GABRA5: variants seen among roughly 807,000 people sequenced by gnomAD.
The protein encoded by GABRA5 is gamma-aminobutyric acid type A receptor subunit alpha5.
GABRA5 carries 18 observed loss-of-function variants against 47.3 expected under a neutral mutation model. The observed-to-expected ratio is 0.38, with a 90% CI of 0.26 to 0.56. GABRA5 has a LOEUF of 0.56. GABRA5 is among the 20% of genes least tolerant of loss of function. GABRA5 has a pLI of 0.71. For synonymous variants in GABRA5, 237 were observed against 229.3 expected (o/e 1.03, Z -0.30); for missense variants, 365 against 599.3 (o/e 0.61, Z 4.08).
At chr15:26,922,642 T>C (rs1893869940) in intron 7 of GABRA5, among the ~76,000 whole-genome samples, 1 of 152,100 alleles carries the variant, frequency 6.6e-6, no homozygotes, top group Non-Finnish European at 1.5e-5. Context: ...TTCTTTGTTT[T>C]CTTTTGTCTG....
chr15:26,887,721 A>G (rs1683322582), intron 6 of GABRA5, among the ~76,000 whole-genome samples: 1 of 152,196 alleles, frequency 6.6e-6, no homozygotes. Flanking sequence ...CCATTTTCTT[A>G]AAAGTGACTC....
In GABRA5 at chr15:26,913,312, G is replaced by A. The variant is rs369958629; in HGVS notation, c.498-1491G>A. ...GGGAAACCTTCCGTCAAAAGTTGTGGCAACAGAAGATTTCGTATCTTTGAT... is the reference window on the plus strand; with the variant it reads ...GGGAAACCTTCCGTCAAAAGTTGTGACAACAGAAGATTTCGTATCTTTGAT... On this transcript the variant is annotated intron_variant, in intron 6 of 10. Coordinates refer to ENST00000335625, the MANE Select transcript of GABRA5 (RefSeq NM_000810.4). Among the ~76,000 whole-genome samples the A allele has an allele frequency of 4.6e-5, 7 of 152,212 alleles. 1 individual carries two copies. In the South Asian group the frequency reaches 1.5e-3, roughly 32 times the overall value.
chr15:26,907,252 T>C lies in GABRA5; in HGVS notation c.498-7551T>C, dbSNP rs1893466527. ...TAAAGCAAGGAACTCTACAGTAATA[T>C]AAACCAAAGCGTGGATCATTTTAGT... On this transcript the variant is annotated intron_variant, in intron 6 of 10. Coordinates refer to ENST00000335625, the MANE Select transcript of GABRA5 (RefSeq NM_000810.4). 2.0e-5 allele frequency among the ~76,000 whole-genome samples: 3 copies of C among 152,238 alleles called. No homozygotes were observed. The South Asian group carries it at 6.2e-4, about 32-fold the overall frequency.
intron 6 of GABRA5, among the ~76,000 whole-genome samples, chr15:26,901,570 A>T (rs896459705): frequency 6.6e-6 from 1 of 152,110 alleles, no homozygotes; most frequent in African/African-American, 2.4e-5. Context: ...TTTGTCATAT[A>T]TGCCTTCTGC....
At chr15:26,935,653 A>G (rs12911026) in intron 7 of GABRA5, among the ~76,000 whole-genome samples, 27,841 of 152,120 alleles carry the variant, frequency 0.18, 2,597 homozygotes, top group East Asian at 0.33. Flanking sequence ...CACAGCCTCC[A>G]CACTTCACGA....
intron 10 of GABRA5, 79 bp from the exon 11 acceptor site, chr15:26,947,855 G>C (rs1894549110): frequency 7.8e-7 from 1 of 1,284,558 alleles, no homozygotes; most frequent in African/African-American, 1.5e-5. Flanking sequence ...TCTTTTGAGA[G>C]GTATACCTTT....
chr15:26,934,540 C>T (rs1397151011), intron 7 of GABRA5, among the ~76,000 whole-genome samples: 1 of 152,164 alleles, frequency 6.6e-6, no homozygotes, highest in African/African-American at 2.4e-5. Context: ...AATCATTCCC[C>T]ACACGGTTAT....
chr15:26,883,291 C>G lies in GABRA5; in HGVS notation c.277-46C>G, dbSNP rs1250461696. 2 of 1,611,540 alleles carry G rather than the reference C, an allele frequency of 1.2e-6. No individual in the cohort carries two copies. Among genetic ancestry groups the G allele is most frequent in the East Asian group, 4.5e-5 (2 of 44,852 alleles). Reference sequence around the variant, plus strand: ...CTTACTCCGCGCCGCAGGCCCCCGCCCAGGCCCCGTGCCCTCTGACTGCCT... The same window carrying G: ...CTTACTCCGCGCCGCAGGCCCCCGCGCAGGCCCCGTGCCCTCTGACTGCCT... On this transcript the variant is annotated intron_variant, in intron 5 of 10. Transcript: ENST00000335625. The surrounding 1 kb of genome is among the most constrained non-coding windows in gnomAD (Gnocchi z 4.8).
At chr15:26,929,893 C>T (rs1566883395) in intron 7 of GABRA5, among the ~76,000 whole-genome samples, 1 of 152,192 alleles carries the variant, frequency 6.6e-6, no homozygotes, top group Non-Finnish European at 1.5e-5. Flanking sequence ...TTTGGCCACA[C>T]CCATCCCGGT....
rs1315621975 is a variant in GABRA5 at position 26,894,386 on chromosome 15, G to A, written c.497+10829G>A. ...GTCTGTTCTCACTGCCGGCCTCGCG[G>A]GCAGCCAGTGGGTCCCCGGGTGAGA... On this transcript the variant is annotated intron_variant, in intron 6 of 10. Coordinates refer to ENST00000335625, the MANE Select transcript of GABRA5 (RefSeq NM_000810.4). Among the ~76,000 whole-genome samples the A allele has an allele frequency of 3.9e-5, 6 of 152,126 alleles. No homozygotes were observed. The East Asian group carries it at 1.2e-3, about 30-fold the overall frequency.
chr15:26,883,572 GGGGC>G lies in GABRA5; in HGVS notation c.497+23_497+26del. On this transcript the variant is annotated intron_variant, in intron 6 of 10. Coordinates refer to ENST00000335625, the MANE Select transcript of GABRA5 (RefSeq NM_000810.4). The surrounding 1 kb of genome is among the most constrained non-coding windows in gnomAD (Gnocchi z 4.8). ...TACACCATGCGGTGAGCGCCGGGCG[GGGGC>G]GGGCGGGGCCGGGGGACGGTGCGGG... 1 of 1,522,856 alleles carries G rather than the reference GGGGC, an allele frequency of 6.6e-7. No individual in the cohort carries two copies. The highest frequency in any genetic ancestry group is 8.9e-7 in the Non-Finnish European group (1 of 1,121,116). 94.3% of individuals were successfully genotyped at this position (1,522,856 alleles called of 1,614,324 possible).
chr15:26,884,146 A>G (rs1192102797), intron 6 of GABRA5, among the ~76,000 whole-genome samples: 1 of 152,068 alleles, frequency 6.6e-6, no homozygotes, highest in Non-Finnish European at 1.5e-5. Flanking sequence ...CCATGATTGT[A>G]CCACTGCGCT....
chr15:26,914,398 G>A (rs1893673133), intron 6 of GABRA5, among the ~76,000 whole-genome samples: 1 of 152,146 alleles, frequency 6.6e-6, no homozygotes, highest in Admixed American at 6.5e-5. Flanking sequence ...ACGAATATAT[G>A]TGCATTTATT....
chr15:26,929,222 G>A (rs1894032804), intron 7 of GABRA5, among the ~76,000 whole-genome samples: 1 of 152,154 alleles, frequency 6.6e-6, no homozygotes, highest in Non-Finnish European at 1.5e-5. Flanking sequence ...GTGAAACTGT[G>A]ACCAGACAAG....
chr15:26,867,291 C>T lies in GABRA5; in HGVS notation c.-140+180C>T, dbSNP rs1892339155. The T allele has an allele frequency of 6.6e-6, 1 of 151,624 alleles. No homozygotes were observed. The highest frequency in any genetic ancestry group is 1.5e-5 in the Non-Finnish European group (1 of 67,898). 9.4% of individuals were successfully genotyped at this position (151,624 alleles called of 1,614,324 possible). ...GCAGCATGGGGCGGTGACGCCGCAC[C>T]GGCCTTCCGCGCCTGCCAGCCGGGC... On this transcript the variant is annotated intron_variant, in intron 1 of 10. Coordinates refer to ENST00000335625, the MANE Select transcript of GABRA5 (RefSeq NM_000810.4). The surrounding 1 kb of genome is among the most constrained non-coding windows in gnomAD (Gnocchi z 5.9).
intron 6 of GABRA5, among the ~76,000 whole-genome samples, chr15:26,902,315 A>G (rs1893346571): frequency 6.6e-6 from 1 of 152,002 alleles, no homozygotes; most frequent in African/African-American, 2.4e-5. Flanking sequence ...AATTTATTTT[A>G]TTAGAGTTTT....
chr15:26,898,646 C>T (rs576545606), intron 6 of GABRA5, among the ~76,000 whole-genome samples: 1 of 152,080 alleles, frequency 6.6e-6, no homozygotes, highest in Non-Finnish European at 1.5e-5. Context: ...CCTGTAAGCC[C>T]AACAAGCTAT....
At chr15:26,914,430 T>A (rs1893673545) in intron 6 of GABRA5, among the ~76,000 whole-genome samples, 1 of 152,220 alleles carries the variant, frequency 6.6e-6, no homozygotes, top group South Asian at 2.1e-4. Flanking sequence ...TTTTTTGAGC[T>A]TATAAGCAAT....
At chr15:26,919,498 A>G (rs34863263) in intron 7 of GABRA5, among the ~76,000 whole-genome samples, 42,861 of 152,072 alleles carry the variant, frequency 0.28, 6,992 homozygotes, top group South Asian at 0.4. Context: ...CATCAATTAC[A>G]TATAAAGACT....
Sources: allele counts gnomAD v4.1 joint callset (sites outside exome capture counted in the v4.1 genomes callset), GRCh38; gene constraint gnomAD v4.1.1; non-coding constraint Gnocchi (gnomAD v3.1); transcripts MANE v1.5; gene names NCBI Gene and HGNC (gene_info 2026-07-23, HGNC 2026-07-21).